HPSE2: variants seen among roughly 807,000 people sequenced by gnomAD.
HPSE2 encodes inactive heparanase-2.
HPSE2 carries 38 observed loss-of-function variants against 60.5 expected under a neutral mutation model. The observed-to-expected ratio is 0.63, with a 90% CI of 0.48 to 0.82. The LOEUF is 0.82. Ranked by LOEUF, HPSE2 falls within the 40% of genes least tolerant of loss-of-function variation. The probability of loss-of-function intolerance (pLI) is 0.00; values close to 1 mark genes in which losing one functional copy is unlikely to be tolerated. For missense variants in HPSE2, 713 were observed against 740.4 expected (o/e 0.96, Z 0.43); for synonymous variants, 295 against 293.2 (o/e 1.01, Z -0.06).
At chr10:98,729,004 G>C (rs369915765) in intron 4 of HPSE2, among the ~76,000 whole-genome samples, 10 of 151,666 alleles carry the variant, frequency 6.6e-5, no homozygotes, top group African/African-American at 2.2e-4. Flanking sequence ...GCAGGGCCTT[G>C]TATGAAACAA....
At chr10:98,882,081 A>C (rs1953039529) in intron 3 of HPSE2, among the ~76,000 whole-genome samples, 1 of 152,006 alleles carries the variant, frequency 6.6e-6, no homozygotes, top group African/African-American at 2.4e-5. Flanking sequence ...GTGTCTTCTT[A>C]GTTGGCTTTT....
chr10:99,265,160 G>T, the HPSE2 span, among the ~76,000 whole-genome samples: 1 of 152,102 alleles, frequency 6.6e-6, no homozygotes, highest in African/African-American at 2.4e-5. Flanking sequence ...TAACTGACAC[G>T]ATATATTCTC....
At chr10:99,217,742 C>A (rs2133922907) in intron 2 of HPSE2, among the ~76,000 whole-genome samples, 1 of 152,248 alleles carries the variant, frequency 6.6e-6, no homozygotes, top group South Asian at 2.1e-4. Context: ...GTCTGTGCCA[C>A]CAAGCCCAGC....
chr10:99,050,745 G>A (rs953219959), intron 3 of HPSE2, among the ~76,000 whole-genome samples: 4 of 152,100 alleles, frequency 2.6e-5, no homozygotes, highest in Non-Finnish European at 2.9e-5. Flanking sequence ...TAGTATAAAT[G>A]AAATAAGCCA....
At chr10:99,228,731 TGAA>T (rs1432625080) in intron 2 of HPSE2, among the ~76,000 whole-genome samples, 1 of 152,202 alleles carries the variant, frequency 6.6e-6, no homozygotes, top group Non-Finnish European at 1.5e-5. Flanking sequence ...GAGTAACCAG[TGAA>T]GCTCCCAAAG....
chr10:99,130,986 A>C (rs1331754899), intron 3 of HPSE2, among the ~76,000 whole-genome samples: 1 of 152,204 alleles, frequency 6.6e-6, no homozygotes, highest in Non-Finnish European at 1.5e-5. Flanking sequence ...AGGTGATTAA[A>C]GGAAAAGGGA....
chr10:99,131,671 C>T (rs1009328139), intron 3 of HPSE2, among the ~76,000 whole-genome samples: 3 of 152,108 alleles, frequency 2.0e-5, no homozygotes, highest in Non-Finnish European at 4.4e-5. Flanking sequence ...TATGTTCTCA[C>T]TCATAAGTTG....
At chr10:98,860,480 T>A (rs183541623) in intron 3 of HPSE2, among the ~76,000 whole-genome samples, 1 of 152,182 alleles carries the variant, frequency 6.6e-6, no homozygotes, top group African/African-American at 2.4e-5. Flanking sequence ...GTTAAGAAAA[T>A]TGAGCATTTT....
At chr10:98,508,095 C>A (rs1459312311) in intron 9 of HPSE2, among the ~76,000 whole-genome samples, 1 of 152,012 alleles carries the variant, frequency 6.6e-6, no homozygotes, top group Non-Finnish European at 1.5e-5. Flanking sequence ...CAAAGGAAGG[C>A]ATGCATTACA....
At chr10:99,249,074 G>A in the HPSE2 span, among the ~76,000 whole-genome samples, 1 of 152,208 alleles carries the variant, frequency 6.6e-6, no homozygotes, top group African/African-American at 2.4e-5. Flanking sequence ...AGGATAGTGT[G>A]GAGGGGAAAT....
At chr10:98,498,498 C>A (rs996088624) in intron 9 of HPSE2, among the ~76,000 whole-genome samples, 2 of 152,138 alleles carry the variant, frequency 1.3e-5, no homozygotes, top group African/African-American at 4.8e-5. Context: ...TGAACAACAG[C>A]CTTTAGCTGT....
intron 3 of HPSE2, among the ~76,000 whole-genome samples, chr10:98,745,159 GCCAC>G (rs1949599235): frequency 6.6e-6 from 1 of 152,126 alleles, no homozygotes; most frequent in African/African-American, 2.4e-5. Flanking sequence ...CCGCGATTGC[GCCAC>G]TGTACTCCAG....
intron 7 of HPSE2, 134 bp from the exon 8 acceptor site, chr10:98,620,842 T>C (rs1486231553): frequency 8.3e-6 from 6 of 724,176 alleles, no homozygotes; most frequent in African/African-American, 3.5e-5. Context: ...TGCTTTCTTA[T>C]GATGATGCAC....
chr10:98,833,446 G>C (rs1951726435), intron 3 of HPSE2, among the ~76,000 whole-genome samples: 1 of 152,110 alleles, frequency 6.6e-6, no homozygotes, highest in African/African-American at 2.4e-5. Flanking sequence ...GACTATATTA[G>C]GGATTTGTTT....
At chr10:99,188,649 A>C (rs1848115722) in intron 2 of HPSE2, among the ~76,000 whole-genome samples, 1 of 152,192 alleles carries the variant, frequency 6.6e-6, no homozygotes, top group Admixed American at 6.5e-5. Context: ...TTCAAAGAGG[A>C]GGCTTAATCT....
intron 3 of HPSE2, among the ~76,000 whole-genome samples, chr10:98,830,541 GA>G (rs2134650547): frequency 6.6e-6 from 1 of 152,266 alleles, no homozygotes; most frequent in East Asian, 1.9e-4. Context: ...CTACTGGGAA[GA>G]GGGTGAAGAA....
At chr10:98,923,032 T>G (rs932399542) in intron 3 of HPSE2, among the ~76,000 whole-genome samples, 2 of 152,220 alleles carry the variant, frequency 1.3e-5, no homozygotes, top group Non-Finnish European at 2.9e-5. Context: ...CTCAATAACA[T>G]CATTTTCTTT....
intron 3 of HPSE2, among the ~76,000 whole-genome samples, chr10:98,828,146 ATCTCTATC>A (rs1407590041): frequency 6.6e-6 from 1 of 150,546 alleles, no homozygotes; most frequent in African/African-American, 2.5e-5. Flanking sequence ...CTTAAAATAA[ATCTCTATC>A]TCTCTGTCTC....
chr10:98,986,117 G>C (rs1956341261), intron 3 of HPSE2, among the ~76,000 whole-genome samples: 1 of 152,134 alleles, frequency 6.6e-6, no homozygotes, highest in Non-Finnish European at 1.5e-5. Context: ...TCCAGGAATT[G>C]AATTTAGCTC....
Sources: allele counts gnomAD v4.1 joint callset (sites outside exome capture counted in the v4.1 genomes callset), GRCh38; gene constraint gnomAD v4.1.1; transcripts MANE v1.5; gene names NCBI Gene and HGNC (gene_info 2026-07-23, HGNC 2026-07-21).